The following GRID1 variants were observed in gnomAD, a reference collection of about 807,000 sequenced individuals.
GRID1 encodes glutamate ionotropic receptor delta type subunit 1, also known as glutamate receptor ionotropic, delta-1.
GRID1 carries 28 observed loss-of-function variants against 98.0 expected under a neutral mutation model. The observed-to-expected ratio is 0.29, with a 90% CI of 0.21 to 0.39. The LOEUF is 0.39. GRID1 is among the 10% of genes least tolerant of loss of function. GRID1 has a pLI of 1.00. For missense variants in GRID1, 1,111 were observed against 1,340.5 expected (o/e 0.83, Z 2.67); for synonymous variants, 553 against 538.5 (o/e 1.03, Z -0.37).
chr10:86,317,017 G>A (rs1420751029), intron 2 of GRID1, among the ~76,000 whole-genome samples: 1 of 152,160 alleles, frequency 6.6e-6, no homozygotes, highest in African/African-American at 2.4e-5. Flanking sequence ...GTACGGCCTT[G>A]GCAATTCTGA....
chr10:85,715,753 C>G (rs1405876351), intron 12 of GRID1, among the ~76,000 whole-genome samples: 1 of 152,098 alleles, frequency 6.6e-6, no homozygotes, highest in Non-Finnish European at 1.5e-5. Flanking sequence ...GGCAATTTCT[C>G]AAAAACTTAA....
In GRID1 at chr10:86,071,522, G is replaced by C. The variant is rs73344047; in HGVS notation, c.726+67297C>G. Among the ~76,000 whole-genome samples the C allele has an allele frequency of 4.9e-3, 740 of 152,342 alleles. 7 individuals are homozygous for C. Among genetic ancestry groups the C allele is most frequent in the African/African-American group, 0.017 (703 of 41,580 alleles). ...ATAACTCAGATTACAGCCTCTGAAA[G>C]CAACACCTTTCTGCAAATCCAAGCC... On this transcript the variant is annotated intron_variant, in intron 4 of 15. Transcript: ENST00000327946.
chr10:85,654,281 CT>C (rs1840868010), intron 12 of GRID1, among the ~76,000 whole-genome samples: 1 of 152,170 alleles, frequency 6.6e-6, no homozygotes, highest in South Asian at 2.1e-4. Flanking sequence ...CCAAAATAAA[CT>C]GCTAAAAACT....
intron 4 of GRID1, among the ~76,000 whole-genome samples, chr10:86,096,299 T>C (rs776589028): frequency 6.6e-5 from 10 of 152,100 alleles, no homozygotes; most frequent in Non-Finnish European, 1.3e-4. Context: ...CGAAAGAACT[T>C]ATTCATGTAA....
At chr10:85,864,039 C>G (rs1590271150) in intron 6 of GRID1, among the ~76,000 whole-genome samples, 1 of 152,162 alleles carries the variant, frequency 6.6e-6, no homozygotes, top group Non-Finnish European at 1.5e-5. Flanking sequence ...TCTGAAGAAC[C>G]CAGCTTTCTC....
At chr10:86,084,403 G>A (rs1844020798) in intron 4 of GRID1, among the ~76,000 whole-genome samples, 1 of 151,990 alleles carries the variant, frequency 6.6e-6, no homozygotes, top group Admixed American at 6.6e-5. Flanking sequence ...TGAAGAAATT[G>A]GAACCCTTAT....
chr10:86,229,261 C>A (rs1457682990), intron 2 of GRID1, among the ~76,000 whole-genome samples: 1 of 152,186 alleles, frequency 6.6e-6, no homozygotes, highest in Non-Finnish European at 1.5e-5. Context: ...GCCAGTCCCC[C>A]TCCTCCCAGG....
intron 2 of GRID1, among the ~76,000 whole-genome samples, chr10:86,274,502 A>T (rs1410123788): frequency 6.6e-6 from 1 of 152,206 alleles, no homozygotes; most frequent in Non-Finnish European, 1.5e-5. Flanking sequence ...TACCTTGGGC[A>T]GTATGGCCAT....
chr10:85,664,447 C>T (rs1840997805), intron 12 of GRID1, among the ~76,000 whole-genome samples: 1 of 152,224 alleles, frequency 6.6e-6, no homozygotes, highest in African/African-American at 2.4e-5. Flanking sequence ...ACTAACCTTA[C>T]ATCTCAGACT....
chr10:85,914,643 T>C (rs1424278419), intron 5 of GRID1, among the ~76,000 whole-genome samples: 1 of 152,168 alleles, frequency 6.6e-6, no homozygotes, highest in African/African-American at 2.4e-5. Context: ...AAAAGTGGAC[T>C]TTGCAAGTAG....
At chr10:86,278,158 T>C (rs1564726913) in intron 2 of GRID1, among the ~76,000 whole-genome samples, 1 of 152,080 alleles carries the variant, frequency 6.6e-6, no homozygotes, top group Non-Finnish European at 1.5e-5. Flanking sequence ...TCAAGGTAAA[T>C]GACTCATTTT....
intron 2 of GRID1, 25 bp downstream of exon 2, chr10:86,363,916 G>A (rs1424027082): frequency 6.2e-7 from 1 of 1,603,270 alleles, no homozygotes; most frequent in South Asian, 1.1e-5. Context: ...TGTCCCAGTG[G>A]GCCCTGGGCA....
intron 8 of GRID1, among the ~76,000 whole-genome samples, chr10:85,786,327 A>G (rs1171284752): frequency 1.3e-5 from 2 of 152,216 alleles, no homozygotes; most frequent in Non-Finnish European, 2.9e-5. Flanking sequence ...CGCTGAGGGC[A>G]TGATCCCTGT....
chr10:86,038,751 T>C (rs1843305026), intron 4 of GRID1, among the ~76,000 whole-genome samples: 1 of 152,262 alleles, frequency 6.6e-6, no homozygotes, highest in Non-Finnish European at 1.5e-5. Flanking sequence ...GTCACTTCTC[T>C]TTAACGTAAC....
chr10:86,317,325 G>A (rs1847913601), intron 2 of GRID1, among the ~76,000 whole-genome samples: 1 of 152,254 alleles, frequency 6.6e-6, no homozygotes. Context: ...CCCACTCTGA[G>A]CAAGACAGAC....
chr10:85,651,367 C>A (rs1829338913), intron 12 of GRID1, among the ~76,000 whole-genome samples: 1 of 152,174 alleles, frequency 6.6e-6, no homozygotes, highest in African/African-American at 2.4e-5. Context: ...GGGCAAGCCG[C>A]ATGTCTAAGC....
chr10:85,903,532 A>G (rs1172149808), intron 5 of GRID1, among the ~76,000 whole-genome samples: 1 of 151,958 alleles, frequency 6.6e-6, no homozygotes, highest in African/African-American at 2.4e-5. Flanking sequence ...TCACCACCTC[A>G]CTTACTCTTA....
At chr10:85,946,808 GA>G (rs1473046417) in intron 4 of GRID1, among the ~76,000 whole-genome samples, 3 of 152,198 alleles carry the variant, frequency 2.0e-5, no homozygotes, top group Middle Eastern at 3.2e-3. Context: ...GGGCCTCCCA[GA>G]ACCCCACCCA....
At chr10:86,019,538 C>T (rs756392791) in intron 4 of GRID1, among the ~76,000 whole-genome samples, 4 of 152,246 alleles carry the variant, frequency 2.6e-5, no homozygotes, top group Non-Finnish European at 4.4e-5. Flanking sequence ...AATCTGTGTT[C>T]TCAATTCACA....
Sources: gnomAD v4.1 joint callset for allele counts (sites outside exome capture counted in the v4.1 genomes callset) on GRCh38, gnomAD v4.1.1 for gene constraint, MANE v1.5 for transcripts, NCBI Gene and HGNC (gene_info 2026-07-23, HGNC 2026-07-21) for gene names.